PCDHGA9: variants seen among roughly 807,000 people sequenced by gnomAD.
PCDHGA9 encodes the protein protocadherin gamma subfamily A, 9.
In PCDHGA9, 37 loss-of-function variants were observed where a neutral mutation model predicts 62.5. That is an observed-to-expected ratio of 0.59 (90% CI 0.46 to 0.78). The LOEUF is 0.78. Among genes scored for constraint, PCDHGA9 ranks in the 30% least tolerant of loss-of-function variants. The probability of loss-of-function intolerance (pLI) is 0.00; values close to 1 mark genes in which losing one functional copy is unlikely to be tolerated. For missense variants in PCDHGA9, 1,138 were observed against 1,166.2 expected (o/e 0.98, Z 0.35); for synonymous variants, 459 against 484.6 (o/e 0.95, Z 0.69).
intron 1 of PCDHGA9, among the ~76,000 whole-genome samples, chr5:141,430,380 T>C (rs1464446838): frequency 2.7e-5 from 4 of 147,890 alleles, no homozygotes; most frequent in Non-Finnish European, 4.5e-5. Flanking sequence ...AAAAGCTCAT[T>C]GGGAAAAAAA....
rs2099883748 is a variant in PCDHGA9 at position 141,511,359 on chromosome 5, T to A, written c.*186T>A. On this transcript the variant is annotated 3_prime_UTR_variant, in exon 4 of 4. Transcript: ENST00000573521. ...CACCTACCCCTTCCCCCCCAGGGGGTTGAATATGCAAAAGCAGTTCCGCTG... is the reference window on the plus strand; with the variant it reads ...CACCTACCCCTTCCCCCCCAGGGGGATGAATATGCAAAAGCAGTTCCGCTG... 2 of 1,339,338 alleles carry A rather than the reference T, an allele frequency of 1.5e-6. No individual in the cohort carries two copies. Among genetic ancestry groups the A allele is most frequent in the Non-Finnish European group, 2.0e-6 (2 of 1,000,492 alleles). The allele number at this position is 1,339,338 out of a possible 1,614,324, so 83.0% of individuals were successfully genotyped here. A position where few individuals can be genotyped will look rare whatever the true frequency, so the allele number is the denominator to read the frequency against.
intron 1 of PCDHGA9, among the ~76,000 whole-genome samples, chr5:141,492,949 A>G (rs1470301496): frequency 6.6e-6 from 1 of 152,226 alleles, no homozygotes; most frequent in African/African-American, 2.4e-5. Flanking sequence ...GGAGGTGACC[A>G]AACTATCTGA....
chr5:141,403,580 C>G lies in PCDHGA9; in HGVS notation c.628C>G (p.Leu210Val). The G allele has an allele frequency of 6.2e-7, 1 of 1,613,942 alleles. No individual in the cohort carries two copies. The highest frequency in any genetic ancestry group is 8.5e-7 in the Non-Finnish European group (1 of 1,179,900). ...LDREEATAHH[L>V]VLTASDGGEP... The stretch of plus-strand genomic sequence containing the variant: ...CAGGGAGGAGGCAACTGCCCACCAC[C>G]TGGTCCTCACGGCCTCGGATGGCGG... The change falls in exon 1 of 4, where the codon CTG becomes GTG. Residue 210 changes from leucine (L) to valine (V), a missense_variant. Physicochemically the swap from Leu to Val is conservative, Grantham distance 32. Coordinates refer to ENST00000573521, the MANE Select transcript of PCDHGA9 (RefSeq NM_018921.3).
At position 141,485,133 on chromosome 5, in the gene PCDHGA9, C is replaced by A; in HGVS notation, c.2425-9674C>A. On this transcript the variant is annotated intron_variant, in intron 1 of 3. Transcript: ENST00000573521. The surrounding 1 kb of genome is among the most constrained non-coding windows in gnomAD (Gnocchi z 5.7). Reference sequence around the variant, plus strand: ...GCTGTTTGGGGCGGGTCGGCTTCATCCGCGTCTCAGGAGCAAGTAGAGAAT... The same window carrying A: ...GCTGTTTGGGGCGGGTCGGCTTCATACGCGTCTCAGGAGCAAGTAGAGAAT... The A allele has an allele frequency of 2.7e-6, 4 of 1,492,492 alleles. No homozygotes were observed. The highest frequency in any genetic ancestry group is 1.7e-5 in the Admixed American group (1 of 58,334). The allele number at this position is 1,492,492 out of a possible 1,614,324, so 92.5% of individuals were successfully genotyped here.
chr5:141,430,110 C>T (rs919470038), intron 1 of PCDHGA9, among the ~76,000 whole-genome samples: 1 of 152,060 alleles, frequency 6.6e-6, no homozygotes, highest in Admixed American at 6.5e-5. Flanking sequence ...CGTTACATGT[C>T]AACAACCTGG....
intron 1 of PCDHGA9, chr5:141,478,480 G>C (rs1444434721): frequency 1.9e-6 from 3 of 1,613,564 alleles, no homozygotes; most frequent in South Asian, 2.2e-5. Flanking sequence ...GCCAGAACAC[G>C]CTGCGGAGCT....
chr5:141,508,535 C>A (rs1294413041), intron 3 of PCDHGA9, among the ~76,000 whole-genome samples: 1 of 152,172 alleles, frequency 6.6e-6, no homozygotes, highest in Non-Finnish European at 1.5e-5. Context: ...GGGCACCCCC[C>A]ACGAGGTGGG....
At chr5:141,484,878 G>C (rs2099602522) in intron 1 of PCDHGA9, 1 of 341,888 alleles carries the variant, frequency 2.9e-6, no homozygotes, top group Non-Finnish European at 5.3e-6. Flanking sequence ...TGGAGGATAG[G>C]GTGGGCTTTT....
intron 1 of PCDHGA9, among the ~76,000 whole-genome samples, chr5:141,492,356 G>A (rs2099739649): frequency 6.6e-6 from 1 of 152,198 alleles, no homozygotes; most frequent in Non-Finnish European, 1.5e-5. Context: ...ACTGCCACTC[G>A]CTCGCGGCCA....
At chr5:141,405,966 C>T (rs1226823491) in intron 1 of PCDHGA9, among the ~76,000 whole-genome samples, 3 of 151,986 alleles carry the variant, frequency 2.0e-5, no homozygotes, top group South Asian at 4.1e-4. Flanking sequence ...CTGCTGTCAA[C>T]GTAAACCATA....
rs1309124846 is a variant in PCDHGA9, at chr5:141,491,295, T to C, written c.2425-3512T>C. On this transcript the variant is annotated intron_variant, in intron 1 of 3. Coordinates refer to ENST00000573521, the MANE Select transcript of PCDHGA9 (RefSeq NM_018921.3). This position sits in a 1 kb window ranked among gnomAD's most constrained non-coding sequence, Gnocchi z 6.9. ...CCAGTGACTTCCTCATACACCCTCC[T>C]GAGCGTTCAGACCTTACCCTTTACC... The C allele has an allele frequency of 6.2e-7, 1 of 1,614,176 alleles. No homozygotes were observed. Among genetic ancestry groups the C allele is most frequent in the Non-Finnish European group, 8.5e-7 (1 of 1,179,994 alleles).
intron 1 of PCDHGA9, chr5:141,475,845 G>C: frequency 4.5e-6 from 2 of 448,002 alleles, no homozygotes; most frequent in Non-Finnish European, 7.9e-6. Context: ...TGCTCAGAGA[G>C]CCCGGCGCTA....
intron 2 of PCDHGA9, among the ~76,000 whole-genome samples, chr5:141,499,298 C>A (rs1239333151): frequency 6.6e-6 from 1 of 152,210 alleles, no homozygotes; most frequent in African/African-American, 2.4e-5. Context: ...ACACTACCAT[C>A]CCTCCTCTGA....
chr5:141,428,557 C>T (rs2097147196), intron 1 of PCDHGA9: 2 of 242,520 alleles, frequency 8.2e-6, no homozygotes, highest in Non-Finnish European at 1.6e-5. Context: ...AACAGTCCCC[C>T]CACAAGATCT....
At chr5:141,497,464 T>G (rs1277760390) in intron 2 of PCDHGA9, among the ~76,000 whole-genome samples, 1 of 151,764 alleles carries the variant, frequency 6.6e-6, no homozygotes, top group Non-Finnish European at 1.5e-5. Flanking sequence ...CTTGGAGATA[T>G]GGAGGAGAAG....
At chr5:141,437,445 T>C (rs187869679) in intron 1 of PCDHGA9, among the ~76,000 whole-genome samples, 1 of 152,348 alleles carries the variant, frequency 6.6e-6, no homozygotes, top group East Asian at 1.9e-4. Flanking sequence ...CATAGGAATG[T>C]TGAGGAGACT....
rs1028054307 is a variant in PCDHGA9 at position 141,417,708 on chromosome 5, G to A, written c.2424+12332G>A. The A allele has an allele frequency of 2.4e-5, 29 of 1,227,762 alleles. No homozygotes were observed. In the South Asian group the frequency reaches 2.9e-4, roughly 12 times the overall value. 76.1% of individuals were successfully genotyped at this position (1,227,762 alleles called of 1,614,324 possible). On this transcript the variant is annotated intron_variant, in intron 1 of 3. Transcript: ENST00000573521. ...AAAGAAAACCAGCTCCCACACAGAG[G>A]CTCCCGGCTGCGCAGACCTTGCCCA... is the stretch of plus-strand genomic sequence containing the variant.
Position 141,477,818 on chromosome 5 carries a change from C to T in PCDHGA9, c.2425-16989C>T, listed in dbSNP as rs202009040. 33 of 1,614,040 alleles carry T rather than the reference C, an allele frequency of 2.0e-5. No homozygotes were observed. The highest frequency in any genetic ancestry group is 1.3e-4 in the Admixed American group (8 of 60,006). On this transcript the variant is annotated intron_variant, in intron 1 of 3. Transcript: ENST00000573521. This position sits in a 1 kb window ranked among gnomAD's most constrained non-coding sequence, Gnocchi z 4.9. ...TCGCAATGACAATGCCCCCCAGGTCCTATATCCTCGGCCAGGTGGGAGCTC... is the reference window on the plus strand; with the variant it reads ...TCGCAATGACAATGCCCCCCAGGTCTTATATCCTCGGCCAGGTGGGAGCTC...
At chr5:141,452,082 T>C (rs924362905) in intron 1 of PCDHGA9, among the ~76,000 whole-genome samples, 6 of 152,358 alleles carry the variant, frequency 3.9e-5, no homozygotes, top group Admixed American at 6.5e-5. Flanking sequence ...GTTGGCATTA[T>C]ACAGTAAGAA....
Sources: allele counts gnomAD v4.1 joint callset (sites outside exome capture counted in the v4.1 genomes callset), GRCh38; gene constraint gnomAD v4.1.1; non-coding constraint Gnocchi (gnomAD v3.1); transcripts MANE v1.5; gene names NCBI Gene and HGNC (gene_info 2026-07-23, HGNC 2026-07-21).